The following CNTN5 variants were observed in gnomAD, a reference collection of about 807,000 sequenced individuals.
CNTN5 encodes the protein contactin-5.
CNTN5 carries 77 observed loss-of-function variants against 129.1 expected under a neutral mutation model. The observed-to-expected ratio is 0.60, with a 90% CI of 0.50 to 0.72. The LOEUF (loss-of-function observed/expected upper bound fraction) is 0.72, where lower values mean the gene tolerates loss of function less well. CNTN5 is among the 30% of genes least tolerant of loss of function. The pLI is 0.00. For missense variants in CNTN5, 1,478 were observed against 1,328.8 expected (o/e 1.11, Z -1.75); for synonymous variants, 509 against 465.6 (o/e 1.09, Z -1.20).
chr11:99,197,149 AT>A (rs923021354), intron 1 of CNTN5, among the ~76,000 whole-genome samples: 1 of 152,026 alleles, frequency 6.6e-6, no homozygotes, highest in African/African-American at 2.4e-5. Flanking sequence ...AATTGGACAC[AT>A]ACAACACCAC....
At chr11:100,322,444 G>A (rs576880765) in intron 21 of CNTN5, among the ~76,000 whole-genome samples, 3 of 152,070 alleles carry the variant, frequency 2.0e-5, no homozygotes, top group Admixed American at 6.5e-5. Flanking sequence ...GGATGGTCTC[G>A]ATCTCCTGAC....
At chr11:99,068,982 C>A (rs543152160) in intron 1 of CNTN5, among the ~76,000 whole-genome samples, 1 of 148,536 alleles carries the variant, frequency 6.7e-6, no homozygotes, top group African/African-American at 2.4e-5. Flanking sequence ...GCCACAGTTC[C>A]AGGAGAGATT....
intron 13 of CNTN5, among the ~76,000 whole-genome samples, chr11:100,159,738 G>C (rs550089180): frequency 6.6e-6 from 1 of 152,002 alleles, no homozygotes; most frequent in Admixed American, 6.6e-5. Flanking sequence ...GGTGACAATA[G>C]AGCACATGCC....
intron 15 of CNTN5, among the ~76,000 whole-genome samples, chr11:100,212,265 T>G (rs1949048781): frequency 6.6e-6 from 1 of 152,218 alleles, no homozygotes; most frequent in East Asian, 1.9e-4. Flanking sequence ...TTTCAATAGA[T>G]CCATAATAAT....
chr11:99,918,365 C>CA (rs923149994), intron 7 of CNTN5, among the ~76,000 whole-genome samples: 3 of 151,930 alleles, frequency 2.0e-5, no homozygotes, highest in Non-Finnish European at 4.4e-5. Flanking sequence ...AACAAATGAA[C>CA]AAAAAACCAG....
rs116186561 is a variant in CNTN5, at chr11:100,315,343, G to T, written c.2730+6875G>T. 9.9e-3 allele frequency among the ~76,000 whole-genome samples: 1,501 copies of T among 152,266 alleles called. 25 individuals are homozygous for T. Among genetic ancestry groups the T allele is most frequent in the African/African-American group, 0.035 (1,437 of 41,552 alleles). ...ACTAACCCAACACTTTCAAGTACATGAAACAATTCAAATCAAATAGTGATT... is the reference window on the plus strand; with the variant it reads ...ACTAACCCAACACTTTCAAGTACATTAAACAATTCAAATCAAATAGTGATT... On this transcript the variant is annotated intron_variant, in intron 21 of 24. Transcript: ENST00000524871.
At chr11:99,486,588 T>C (rs1945823038) in intron 2 of CNTN5, among the ~76,000 whole-genome samples, 1 of 152,186 alleles carries the variant, frequency 6.6e-6, no homozygotes. Flanking sequence ...ATGATTATTT[T>C]TCAGTTAACT....
chr11:99,678,964 T>G (rs1272141881), intron 3 of CNTN5, among the ~76,000 whole-genome samples: 1 of 148,424 alleles, frequency 6.7e-6, no homozygotes, highest in African/African-American at 2.5e-5. Flanking sequence ...ACTCTCTCTC[T>G]CTCTATATAT....
chr11:99,496,735 G>A (rs926480445), intron 2 of CNTN5, among the ~76,000 whole-genome samples: 7 of 152,204 alleles, frequency 4.6e-5, no homozygotes, highest in African/African-American at 1.7e-4. Flanking sequence ...CAATCTCTGT[G>A]AAGTTGTTAG....
rs971120522 is a variant in CNTN5, at chr11:99,358,178, T to A, written c.-71+32694T>A. Among the ~76,000 whole-genome samples the A allele has an allele frequency of 1.1e-3, 140 of 130,016 alleles. 5 individuals are homozygous for A. Among genetic ancestry groups the A allele is most frequent in the Non-Finnish European group, 2.0e-4 (12 of 61,390 alleles). The allele number at this position is 130,016 out of a possible 152,430, so 85.3% of individuals were successfully genotyped here. ...ATCTCGGCTCACTGCAAGCTCCGCC[T>A]CCCAGGTTCACGCCATTCTCCTGCC... On this transcript the variant is annotated intron_variant, in intron 2 of 24. Coordinates refer to ENST00000524871, the MANE Select transcript of CNTN5 (RefSeq NM_014361.4).
chr11:99,428,597 TTAATA>T (rs1486962445), intron 2 of CNTN5, among the ~76,000 whole-genome samples: 9 of 151,514 alleles, frequency 5.9e-5, no homozygotes, highest in African/African-American at 2.2e-4. Context: ...AGATGTTTCT[TTAATA>T]TATGTATATA....
chr11:99,509,240 T>C (rs918487782), intron 2 of CNTN5, among the ~76,000 whole-genome samples: 8 of 152,208 alleles, frequency 5.3e-5, no homozygotes, highest in Non-Finnish European at 5.9e-5. Context: ...TTTAGGATCT[T>C]CATTTAAAAA....
At chr11:100,225,025 G>T in intron 16 of CNTN5, 1 of 390,720 alleles carries the variant, frequency 2.6e-6, no homozygotes, top group Non-Finnish European at 4.7e-6. Context: ...TAACTTCAGA[G>T]TCCAAAACAC....
chr11:100,181,440 T>G (rs1948136178), intron 13 of CNTN5, among the ~76,000 whole-genome samples: 1 of 151,898 alleles, frequency 6.6e-6, no homozygotes, highest in South Asian at 2.1e-4. Context: ...GGGATGAAGA[T>G]GAGTGTGGTT....
At chr11:99,086,965 A>G (rs995482859) in intron 1 of CNTN5, among the ~76,000 whole-genome samples, 1 of 152,198 alleles carries the variant, frequency 6.6e-6, no homozygotes, top group Non-Finnish European at 1.5e-5. Context: ...TATTTCATAG[A>G]TGAAGAAAAT....
At chr11:99,709,959 G>C (rs1375701889) in intron 3 of CNTN5, among the ~76,000 whole-genome samples, 1 of 151,846 alleles carries the variant, frequency 6.6e-6, no homozygotes, top group Non-Finnish European at 1.5e-5. Context: ...AAGTACATTT[G>C]TGATTTCTGC....
At chr11:99,300,417 A>C (rs1367645570) in intron 1 of CNTN5, among the ~76,000 whole-genome samples, 3 of 152,026 alleles carry the variant, frequency 2.0e-5, no homozygotes, top group South Asian at 4.2e-4. Context: ...GGTGAATTAC[A>C]TTTATTGTTT....
In CNTN5 at chr11:99,093,184, C is replaced by G. The variant is rs142974194; in HGVS notation, c.-210+71914C>G. Among the ~76,000 whole-genome samples the G allele has an allele frequency of 2.0e-4, 30 of 152,018 alleles. No individual in the cohort carries two copies. The East Asian group carries it at 5.8e-3, about 29-fold the overall frequency. ...CAACTTTCCTCTAATTTAAACTTAC[C>G]AAGTTACACATACAGGAGTGAAAAG... On this transcript the variant is annotated intron_variant, in intron 1 of 24. Transcript: ENST00000524871.
chr11:99,308,023 A>G (rs550749096), intron 1 of CNTN5, among the ~76,000 whole-genome samples: 61 of 152,324 alleles, frequency 4.0e-4, no homozygotes, highest in African/African-American at 1.4e-3. Context: ...CCTGGCTCTA[A>G]TAACATGCAC....
Sources: allele counts gnomAD v4.1 joint callset (sites outside exome capture counted in the v4.1 genomes callset), GRCh38; gene constraint gnomAD v4.1.1; transcripts MANE v1.5; gene names NCBI Gene and HGNC (gene_info 2026-07-23, HGNC 2026-07-21).